Variants in NDST4 observed in about 807,000 individuals in gnomAD.
The protein encoded by NDST4 is N-deacetylase and N-sulfotransferase 4.
NDST4 carries 63 observed loss-of-function variants against 100.8 expected under a neutral mutation model. The observed-to-expected ratio is 0.62, with a 90% CI of 0.51 to 0.77. The LOEUF (loss-of-function observed/expected upper bound fraction) is 0.77, where lower values mean the gene tolerates loss of function less well. Ranked by LOEUF, NDST4 falls within the 30% of genes least tolerant of loss-of-function variation. NDST4 has a pLI of 0.00. For missense variants in NDST4, 943 were observed against 1,018.4 expected, an observed-to-expected ratio of 0.93 and a Z score of 1.01; for synonymous variants, 377 against 361.8, an observed-to-expected ratio of 1.04 and a Z score of -0.48.
intron 6 of NDST4, among the ~76,000 whole-genome samples, chr4:114,899,574 T>A (rs1269127951): frequency 2.0e-5 from 3 of 152,096 alleles, no homozygotes; most frequent in African/African-American, 7.2e-5. Context: ...TTTTCCAAAT[T>A]CTTTTATTTA....
chr4:114,858,268 G>A (rs374528463), intron 7 of NDST4, among the ~76,000 whole-genome samples: 11 of 152,172 alleles, frequency 7.2e-5, no homozygotes, highest in African/African-American at 1.9e-4. Flanking sequence ...CCTACATCAG[G>A]TTTGACATGT....
At chr4:115,006,151 C>A (rs573492814) in intron 2 of NDST4, among the ~76,000 whole-genome samples, 1 of 149,060 alleles carries the variant, frequency 6.7e-6, no homozygotes, top group East Asian at 2.0e-4. Flanking sequence ...ATATGTAAAG[C>A]CTGGAAAGAC....
At chr4:114,976,143 A>C (rs1298842387) in intron 3 of NDST4, among the ~76,000 whole-genome samples, 1 of 152,116 alleles carries the variant, frequency 6.6e-6, no homozygotes, top group African/African-American at 2.4e-5. Flanking sequence ...CTTTTACATT[A>C]AAAAGCCTCA....
At chr4:114,938,975 T>C (rs1725691315) in intron 4 of NDST4, among the ~76,000 whole-genome samples, 1 of 152,194 alleles carries the variant, frequency 6.6e-6, no homozygotes, top group Non-Finnish European at 1.5e-5. Flanking sequence ...AGAAAAATAC[T>C]TCTTCCTAGC....
At chr4:114,986,662 A>G (rs1726907933) in intron 2 of NDST4, among the ~76,000 whole-genome samples, 1 of 151,390 alleles carries the variant, frequency 6.6e-6, no homozygotes, top group African/African-American at 2.4e-5. Context: ...TACTGAATTG[A>G]TTGAAATTTT....
chr4:115,046,709 C>G (rs539835820), intron 2 of NDST4, among the ~76,000 whole-genome samples: 61 of 151,954 alleles, frequency 4.0e-4, no homozygotes, highest in African/African-American at 1.4e-3. Context: ...TTCTGTTAAG[C>G]CTGTGTTTTA....
chr4:115,101,263 A>G (rs1038101819), intron 1 of NDST4, among the ~76,000 whole-genome samples: 7 of 152,172 alleles, frequency 4.6e-5, no homozygotes, highest in African/African-American at 9.6e-5. Flanking sequence ...ATTTAGAAGT[A>G]GAGAAGTGTG....
intron 2 of NDST4, among the ~76,000 whole-genome samples, chr4:114,992,718 T>C (rs1408294097): frequency 6.6e-6 from 1 of 151,896 alleles, no homozygotes; most frequent in Non-Finnish European, 1.5e-5. Context: ...TGGTATTTCA[T>C]TTAACTTTTA....
chr4:115,027,441 G>T (rs1490704767), intron 2 of NDST4, among the ~76,000 whole-genome samples: 1 of 152,064 alleles, frequency 6.6e-6, no homozygotes, highest in Non-Finnish European at 1.5e-5. Flanking sequence ...TTGAAGTTCA[G>T]TCACTGTATA....
intron 2 of NDST4, among the ~76,000 whole-genome samples, chr4:115,042,744 G>T (rs987598501): frequency 9.2e-5 from 14 of 152,106 alleles, no homozygotes; most frequent in South Asian, 2.1e-4. Context: ...TATATACTAG[G>T]CATCTTAACA....
At chr4:114,829,602 A>G (rs555013248) in intron 13 of NDST4, among the ~76,000 whole-genome samples, 188 bp downstream of exon 13, 3 of 152,296 alleles carry the variant, frequency 2.0e-5, no homozygotes, top group African/African-American at 7.2e-5. Flanking sequence ...TAATTTTAGT[A>G]TCTATCTACC....
In NDST4 at chr4:114,829,779, A is replaced by C; in HGVS notation, c.2499+11T>G. ...TTTGCTAGAGTAATTCAAAGATTAA[A>C]AAATTATTACCTCTGGATCCATAGG... On this transcript the variant is annotated intron_variant, in intron 13 of 13. Coordinates refer to ENST00000264363, the MANE Select transcript of NDST4 (RefSeq NM_022569.3). The C allele has an allele frequency of 1.3e-6, 2 of 1,578,434 alleles. No homozygotes were observed. The highest frequency in any genetic ancestry group is 1.7e-6 in the Non-Finnish European group (2 of 1,168,294).
intron 2 of NDST4, among the ~76,000 whole-genome samples, chr4:114,985,892 A>G (rs964232903): frequency 2.0e-5 from 3 of 152,140 alleles, no homozygotes; most frequent in Non-Finnish European, 4.4e-5. Context: ...CTAAAATGGG[A>G]CCTGGGGAGT....
At chr4:114,871,523 GT>G (rs1315002123) in intron 6 of NDST4, among the ~76,000 whole-genome samples, 2 of 151,996 alleles carry the variant, frequency 1.3e-5, no homozygotes, top group African/African-American at 4.8e-5. Flanking sequence ...TGGCATTTCA[GT>G]GTTGTTCTTT....
chr4:114,829,836 CA>C lies in NDST4; in HGVS notation c.2452del (p.Cys818AlafsTer47), dbSNP rs1553946856. ...CQLLEGGKTK[C>X]LGKSKGRKYP... ...TTTTCGGCCTTTGCTTTTTCCAAGG[CA>C]TTTTGTCTTTCCTCCTTCCAGTAAT... On this transcript the variant is annotated frameshift_variant, in exon 13 of 14. Coordinates refer to ENST00000264363, the MANE Select transcript of NDST4 (RefSeq NM_022569.3). LOFTEE classifies it high-confidence loss of function. 1 of 1,611,944 alleles carries C rather than the reference CA, an allele frequency of 6.2e-7. No individual in the cohort carries two copies. Among genetic ancestry groups the C allele is most frequent in the Non-Finnish European group, 8.5e-7 (1 of 1,179,438 alleles).
chr4:114,930,567 T>C (rs1200951785), intron 6 of NDST4, among the ~76,000 whole-genome samples: 1 of 152,196 alleles, frequency 6.6e-6, no homozygotes, highest in Non-Finnish European at 1.5e-5. Flanking sequence ...TCTAATGTAA[T>C]TTATTTTAAA....
At chr4:114,937,283 A>G in intron 5 of NDST4, 35 bp downstream of exon 5, 1 of 1,604,988 alleles carries the variant, frequency 6.2e-7, no homozygotes, top group Non-Finnish European at 8.5e-7. Context: ...TGTAAATATT[A>G]ACATCCTTCA....
In NDST4 at chr4:114,870,745, C is replaced by A. The variant is rs200779568; in HGVS notation, c.1719+23G>T. On this transcript the variant is annotated intron_variant, in intron 7 of 13. Coordinates refer to ENST00000264363, the MANE Select transcript of NDST4 (RefSeq NM_022569.3). ...ATTGCTAGTTTCTTTCCTTCCACCC[C>A]AAGAGAGAATGTTAAATGTTACCTG... The A allele has an allele frequency of 3.5e-4, 556 of 1,577,220 alleles. 13 individuals carry two copies. In the South Asian group the frequency reaches 6.3e-3, roughly 18 times the overall value.
intron 2 of NDST4, among the ~76,000 whole-genome samples, chr4:115,028,238 G>C (rs1028516847): frequency 6.6e-6 from 1 of 152,028 alleles, no homozygotes; most frequent in Non-Finnish European, 1.5e-5. Flanking sequence ...CAACTCTTAG[G>C]ATTCTTACCA....
Sources: allele counts gnomAD v4.1 joint callset (sites outside exome capture counted in the v4.1 genomes callset), GRCh38; gene constraint gnomAD v4.1.1; transcripts MANE v1.5; gene names NCBI Gene and HGNC (gene_info 2026-07-23, HGNC 2026-07-21).